SLC8A3: variants seen among roughly 807,000 people sequenced by gnomAD.
The protein encoded by SLC8A3 is solute carrier family 8 member A3.
A neutral mutation model predicts 65.4 loss-of-function variants in SLC8A3; 37 were observed. That is an observed-to-expected ratio of 0.57 (90% CI 0.44 to 0.74). The LOEUF (loss-of-function observed/expected upper bound fraction) is 0.74. SLC8A3 is among the 30% of genes least tolerant of loss of function. The pLI is 0.00. For missense variants in SLC8A3, 1,112 were observed against 1,172.1 expected, an observed-to-expected ratio of 0.95 and a Z score of 0.75; for synonymous variants, 461 against 444.5, an observed-to-expected ratio of 1.04 and a Z score of -0.47.
chr14:70,166,248 C>A (rs1005206378), intron 2 of SLC8A3, among the ~76,000 whole-genome samples: 1 of 152,118 alleles, frequency 6.6e-6, no homozygotes, highest in Non-Finnish European at 1.5e-5. Flanking sequence ...CATAGATACC[C>A]TTCATATGAG....
At chr14:70,066,616 G>A (rs1280341561) in intron 2 of SLC8A3, among the ~76,000 whole-genome samples, 1 of 152,170 alleles carries the variant, frequency 6.6e-6, no homozygotes, top group Non-Finnish European at 1.5e-5. Flanking sequence ...CTCAAGACCA[G>A]CCTGACCAAC....
intron 2 of SLC8A3, among the ~76,000 whole-genome samples, chr14:70,153,428 A>C (rs1490619497): frequency 6.6e-6 from 1 of 152,168 alleles, no homozygotes; most frequent in Non-Finnish European, 1.5e-5. Flanking sequence ...CTGCTTAACA[A>C]GTCCTTCTGA....
intron 2 of SLC8A3, among the ~76,000 whole-genome samples, chr14:70,063,238 G>T (rs1321820050): frequency 2.6e-5 from 4 of 152,192 alleles, no homozygotes; most frequent in African/African-American, 9.7e-5. Flanking sequence ...CTTCCTCAAG[G>T]TCAGGAGGAG....
chr14:70,133,348 G>T (rs2140240693), intron 2 of SLC8A3, among the ~76,000 whole-genome samples: 1 of 152,258 alleles, frequency 6.6e-6, no homozygotes, highest in East Asian at 1.9e-4. Flanking sequence ...ACCAGGCCCT[G>T]GGGTGGTCAG....
intron 2 of SLC8A3, among the ~76,000 whole-genome samples, chr14:70,163,774 C>A (rs1897019035): frequency 6.6e-6 from 1 of 152,176 alleles, no homozygotes; most frequent in Admixed American, 6.5e-5. Flanking sequence ...CCCGCAGCAT[C>A]CAGAACTTGT....
chr14:70,059,161 G>A (rs190443786), intron 3 of SLC8A3: 79 of 152,406 alleles, frequency 5.2e-4, no homozygotes, highest in African/African-American at 1.3e-3. Flanking sequence ...TCTGCCCCTA[G>A]AGCATCAGGT....
At chr14:70,116,981 C>A (rs1218106789) in intron 2 of SLC8A3, among the ~76,000 whole-genome samples, 5 of 152,190 alleles carry the variant, frequency 3.3e-5, no homozygotes, top group Admixed American at 3.3e-4. Context: ...CTTTTCCTAG[C>A]AGAAAACTGA....
intron 2 of SLC8A3, among the ~76,000 whole-genome samples, chr14:70,121,129 T>A (rs964594968): frequency 6.6e-6 from 1 of 152,108 alleles, no homozygotes; most frequent in African/African-American, 2.4e-5. Flanking sequence ...AATACTGCAT[T>A]TTAGACCCCC....
intron 2 of SLC8A3, among the ~76,000 whole-genome samples, chr14:70,064,196 G>A (rs1003042972): frequency 6.6e-6 from 1 of 152,194 alleles, no homozygotes; most frequent in African/African-American, 2.4e-5. Flanking sequence ...AGGGCTCTGA[G>A]TTCTAATCCT....
intron 1 of SLC8A3, among the ~76,000 whole-genome samples, chr14:70,171,644 T>C (rs1017807277): frequency 1.3e-5 from 2 of 152,004 alleles, no homozygotes; most frequent in African/African-American, 4.8e-5. Flanking sequence ...CTACTAAAAA[T>C]ACAAAATTAG....
At chr14:70,101,103 C>G (rs1442937628) in intron 2 of SLC8A3, among the ~76,000 whole-genome samples, 1 of 152,176 alleles carries the variant, frequency 6.6e-6, no homozygotes, top group Non-Finnish European at 1.5e-5. Flanking sequence ...AGGTGACAGG[C>G]ACTAATAATA....
At chr14:70,075,385 G>A (rs150942) in intron 2 of SLC8A3, among the ~76,000 whole-genome samples, 105,190 of 152,034 alleles carry the variant, frequency 0.69, 37,676 homozygotes, top group African/African-American at 0.89. Context: ...CATAGGCCGC[G>A]TATCCTTCTT....
At position 70,187,639 on chromosome 14, in the gene SLC8A3, G is replaced by GTGTGTGTGTGTGTGTGTT. The variant is rs775352761; in HGVS notation, c.-63+739_-63+740insAACACACACACACACACA. 6.1e-4 allele frequency among the ~76,000 whole-genome samples: 78 copies of GTGTGTGTGTGTGTGTGTT among 128,118 alleles called. 2 individuals are homozygous for GTGTGTGTGTGTGTGTGTT. Among genetic ancestry groups the GTGTGTGTGTGTGTGTGTT allele is most frequent in the African/African-American group, 1.6e-3 (52 of 31,560 alleles). 84.1% of individuals were successfully genotyped at this position (128,118 alleles called of 152,430 possible). On this transcript the variant is annotated intron_variant, in intron 1 of 6. Transcript: ENST00000356921. ...TGTGTGTGTGTGTGTGTGTGTGTGTGTCCGCGCGCGCGTGTGTGTTGGGGG... is the reference window on the plus strand; with the variant it reads ...TGTGTGTGTGTGTGTGTGTGTGTGTGTGTGTGTGTGTGTGTGTTTCCGCGCGCGCGTGTGTGTTGGGGG...
At chr14:70,071,915 G>A (rs1890048123) in intron 2 of SLC8A3, among the ~76,000 whole-genome samples, 3 of 152,140 alleles carry the variant, frequency 2.0e-5, no homozygotes, top group African/African-American at 4.8e-5. Context: ...GTGTGAGAAC[G>A]TGCACAGACT....
At chr14:70,140,306 T>C (rs564975177) in intron 2 of SLC8A3, among the ~76,000 whole-genome samples, 185 of 152,278 alleles carry the variant, frequency 1.2e-3, no homozygotes, top group Non-Finnish European at 2.2e-3. Context: ...TGAGTCCCCA[T>C]GCATCATATC....
chr14:70,167,444 G>A lies in SLC8A3; in HGVS notation c.979C>T (p.His327Tyr). ...IRILKDLKQKHPEKDLDQLVE... is the reference protein window; with the variant it reads ...IRILKDLKQKYPEKDLDQLVE... ...AGCTGATCTAAGTCCTTCTCTGGGT[G>A]TTTTTGCTTCAGATCCTTGAGAATC... Residue 327 changes from histidine to tyrosine, a missense_variant, in exon 2 of 7, where the codon CAC (histidine) becomes TAC (tyrosine). Physicochemically the swap from His to Tyr is moderately conservative, Grantham distance 83 (BLOSUM62 2). Coordinates refer to ENST00000356921, the MANE Select transcript of SLC8A3 (RefSeq NM_182932.3). The A allele has an allele frequency of 1.9e-6, 3 of 1,614,154 alleles. No individual in the cohort carries two copies. Among genetic ancestry groups the A allele is most frequent in the Non-Finnish European group, 1.7e-6 (2 of 1,180,026 alleles).
At chr14:70,062,832 T>C (rs1228784164) in intron 2 of SLC8A3, among the ~76,000 whole-genome samples, 1 of 152,196 alleles carries the variant, frequency 6.6e-6, no homozygotes, top group Non-Finnish European at 1.5e-5. Flanking sequence ...TGTGAGCCTG[T>C]TTCTCTGCTG....
chr14:70,172,256 T>G (rs768468099), intron 1 of SLC8A3, among the ~76,000 whole-genome samples: 26 of 152,248 alleles, frequency 1.7e-4, no homozygotes, highest in Non-Finnish European at 2.8e-4. Flanking sequence ...CACTTAATTT[T>G]CATAGCAACC....
intron 2 of SLC8A3, among the ~76,000 whole-genome samples, chr14:70,072,595 GTCCATCCATCCA>G (rs36178413): frequency 6.0e-5 from 9 of 149,794 alleles, no homozygotes; most frequent in South Asian, 4.3e-4. Flanking sequence ...CTATCTATCC[GTCCATCCATCCA>G]TCCATCCATC....
Sources: allele counts gnomAD v4.1 joint callset (sites outside exome capture counted in the v4.1 genomes callset), GRCh38; gene constraint gnomAD v4.1.1; transcripts MANE v1.5; gene names NCBI Gene and HGNC (gene_info 2026-07-23, HGNC 2026-07-21).